The following MCOLN3 variants were observed in gnomAD, a reference collection of about 807,000 sequenced individuals.
MCOLN3 encodes the protein mucolipin-3.
Under a neutral mutation model 69.4 loss-of-function variants are expected in MCOLN3, and 62 were observed. The observed-to-expected ratio is 0.89, with a 90% CI of 0.73 to 1.10. MCOLN3 has a LOEUF of 1.10. MCOLN3 is among the 50% of genes least tolerant of loss of function. The pLI, the probability that MCOLN3 is intolerant of heterozygous loss-of-function variation, is 0.00. For synonymous variants in MCOLN3, 183 were observed against 217.0 expected (o/e 0.84, Z 1.38); for missense variants, 564 against 656.4 (o/e 0.86, Z 1.54).
At position 85,022,134 on chromosome 1, in the gene MCOLN3, G is replaced by A; in HGVS notation, c.1256C>T (p.Ala419Val). Residue 419 changes from alanine to valine, a missense_variant, in exon 11 of 13, where the codon GCA (alanine) becomes GTA (valine). Physicochemically the swap from Ala to Val is moderately conservative, Grantham distance 64. Transcript: ENST00000370589. ...LPNVIRFCCC[A>V]AMIYLGYCFC... is the part of the protein sequence containing the mutation. The stretch of plus-strand genomic sequence containing the variant: ...GCAGTAACCTAAGTAAATCATAGCT[G>A]CACAGCAGCAGAACCTGATGACATT... The A allele has an allele frequency of 1.2e-6, 2 of 1,614,150 alleles. No individual in the cohort carries two copies. Among genetic ancestry groups the A allele is most frequent in the Non-Finnish European group, 1.7e-6 (2 of 1,179,994 alleles).
At chr1:85,032,454 T>C (rs1403887323) in intron 6 of MCOLN3, among the ~76,000 whole-genome samples, 2 of 152,154 alleles carry the variant, frequency 1.3e-5, no homozygotes, top group Admixed American at 6.5e-5. Flanking sequence ...CTGGAAATAG[T>C]AGTGAACAAA....
chr1:85,041,290 G>A, intron 2 of MCOLN3, 113 bp from the exon 3 acceptor site: 1 of 833,214 alleles, frequency 1.2e-6, no homozygotes, highest in Non-Finnish European at 1.8e-6. Flanking sequence ...GAATTCTCTG[G>A]GACATCAAGA....
intron 3 of MCOLN3, among the ~76,000 whole-genome samples, chr1:85,035,026 T>C (rs1652738278): frequency 6.6e-6 from 1 of 152,226 alleles, no homozygotes; most frequent in Non-Finnish European, 1.5e-5. Context: ...TAATTTCTAA[T>C]ATGGGATGGA....
rs149599227 is a variant in MCOLN3, at chr1:85,034,907, C to T, written c.397-656G>A. ...TGTTTTTGGAGCAATATGTCTGGTA[C>T]AGTTGGTCATTCTGTCACTCTTGAA... On this transcript the variant is annotated intron_variant, in intron 3 of 12. Transcript: ENST00000370589. Among the ~76,000 whole-genome samples, 68 of 152,290 alleles carry T rather than the reference C, an allele frequency of 4.5e-4. No individual in the cohort carries two copies. In the East Asian group the frequency reaches 0.012, roughly 27 times the overall value.
intron 3 of MCOLN3, among the ~76,000 whole-genome samples, chr1:85,034,941 C>G (rs765743391): frequency 1.8e-4 from 27 of 152,266 alleles, no homozygotes; most frequent in Non-Finnish European, 3.2e-4. Flanking sequence ...AAATGAACAA[C>G]TTTGTGTGAT....
At chr1:85,022,580 ATAAGT>A in intron 9 of MCOLN3, 180 bp from the exon 10 acceptor site, 2 of 499,978 alleles carry the variant, frequency 4.0e-6, no homozygotes, top group Middle Eastern at 5.3e-4. Context: ...GACAACAGAA[ATAAGT>A]TAATAGAAAC....
chr1:85,041,789 G>A (rs914667487), intron 2 of MCOLN3, among the ~76,000 whole-genome samples: 4 of 141,570 alleles, frequency 2.8e-5, no homozygotes, highest in Non-Finnish European at 4.5e-5. Flanking sequence ...AGAATTGCTT[G>A]AACCCGGGAG....
chr1:85,046,396 A>G (rs1653356054), intron 1 of MCOLN3, among the ~76,000 whole-genome samples: 2 of 151,994 alleles, frequency 1.3e-5, no homozygotes, highest in South Asian at 4.1e-4. Context: ...CGGAGAAGTC[A>G]CTCTAGAGAC....
At chr1:85,047,251 C>T (rs1176893659) in intron 1 of MCOLN3, 1 of 152,278 alleles carries the variant, frequency 6.6e-6, no homozygotes, top group African/African-American at 2.4e-5. Context: ...AGCATATATT[C>T]AGCACATCAC....
chr1:85,024,026 C>T (rs1247397844), intron 9 of MCOLN3, among the ~76,000 whole-genome samples: 4 of 151,984 alleles, frequency 2.6e-5, no homozygotes, highest in African/African-American at 9.7e-5. Context: ...CTGATTGGAA[C>T]AGACACCGAA....
rs540813750 is a variant in MCOLN3 at position 85,029,380 on chromosome 1, A to G, written c.733-175T>C. On this transcript the variant is annotated intron_variant, in intron 6 of 12. Coordinates refer to ENST00000370589, the MANE Select transcript of MCOLN3 (RefSeq NM_018298.11). ...GTTCTCTTCATTTCTCTGTGAAATG[A>G]GAACGATGAACTAGATCTTCTACAG... 83 of 569,412 alleles carry G rather than the reference A, an allele frequency of 1.5e-4. No individual in the cohort carries two copies. In the African/African-American group the frequency reaches 1.5e-3, roughly 10 times the overall value. 35.3% of individuals were successfully genotyped at this position (569,412 alleles called of 1,614,324 possible).
rs772812591 is a variant in MCOLN3, at chr1:85,045,223, GA to G, written c.137del (p.Phe46SerfsTer2). 16 of 1,613,742 alleles carry G rather than the reference GA, an allele frequency of 9.9e-6. No homozygotes were observed. The highest frequency in any genetic ancestry group is 3.3e-5 in the South Asian group (3 of 91,054). ...CCCAGAACTTCTCACAGGGATTCATGAAAAAAAATTTGAGTTTTCGCCTCAT... is the reference window on the plus strand; with the variant it reads ...CCCAGAACTTCTCACAGGGATTCATGAAAAAAATTTGAGTTTTCGCCTCAT... The part of the protein sequence containing the change: ...DQMRRKLKFF[F>X]MNPCEKFWAR... On this transcript the variant is annotated frameshift_variant, in exon 2 of 13. Transcript: ENST00000370589. LOFTEE classifies it high-confidence loss of function.
intron 12 of MCOLN3, 35 bp downstream of exon 12, chr1:85,021,035 A>C: frequency 6.7e-7 from 1 of 1,494,842 alleles, no homozygotes; most frequent in South Asian, 1.2e-5. Flanking sequence ...AAGTTATAGG[A>C]CAATGCTACT....
chr1:85,032,470 G>T (rs1652586261), intron 6 of MCOLN3, among the ~76,000 whole-genome samples: 1 of 152,220 alleles, frequency 6.6e-6, no homozygotes, highest in African/African-American at 2.4e-5. Flanking sequence ...ACAAAACAAG[G>T]TCCCTGCTTT....
intron 6 of MCOLN3, chr1:85,029,915 C>A (rs896766283): frequency 6.6e-6 from 1 of 152,196 alleles, no homozygotes; most frequent in Non-Finnish European, 1.5e-5. Flanking sequence ...CTCTTTCTCT[C>A]AAGTCCTGAA....
chr1:85,021,344 A>T (rs1486958145), intron 11 of MCOLN3, 68 bp from the exon 12 acceptor site: 1 of 1,318,546 alleles, frequency 7.6e-7, no homozygotes, highest in Admixed American at 2.1e-5. Context: ...TTTGTTCATG[A>T]CATTGTATTA....
At chr1:85,042,280 A>C (rs1366053754) in intron 2 of MCOLN3, among the ~76,000 whole-genome samples, 1 of 152,186 alleles carries the variant, frequency 6.6e-6, no homozygotes, top group Non-Finnish European at 1.5e-5. Flanking sequence ...TGACACACTA[A>C]ATCTAGGTTC....
intron 3 of MCOLN3, chr1:85,036,792 G>A (rs1410544978): frequency 6.6e-6 from 1 of 152,094 alleles, no homozygotes. Flanking sequence ...TCTTCAGAAA[G>A]GCATTTTCTG....
intron 3 of MCOLN3, among the ~76,000 whole-genome samples, chr1:85,037,435 G>C (rs1652852218): frequency 6.6e-6 from 1 of 152,132 alleles, no homozygotes; most frequent in South Asian, 2.1e-4. Flanking sequence ...GTCCCCACAA[G>C]AATCACCTAA....
Sources: allele counts gnomAD v4.1 joint callset (sites outside exome capture counted in the v4.1 genomes callset), GRCh38; gene constraint gnomAD v4.1.1; transcripts MANE v1.5; gene names NCBI Gene and HGNC (gene_info 2026-07-23, HGNC 2026-07-21).